NLRC3: variants seen among roughly 807,000 people sequenced by gnomAD.
The protein encoded by NLRC3 is NLR family CARD domain-containing protein 3.
A neutral mutation model predicts 91.6 loss-of-function variants in NLRC3; 87 were observed. The observed-to-expected ratio is 0.95, with a 90% CI of 0.80 to 1.14. The LOEUF is 1.14. Ranked by LOEUF, NLRC3 falls within the 50% of genes most tolerant of loss-of-function variation. NLRC3 has a pLI of 0.00. For missense variants in NLRC3, 1,577 were observed against 1,418.6 expected (o/e 1.11, Z -1.79); for synonymous variants, 694 against 625.3 (o/e 1.11, Z -1.64).
At chr16:3,568,107 G>A (rs1014286830) in intron 1 of NLRC3, among the ~76,000 whole-genome samples, 3 of 152,110 alleles carry the variant, frequency 2.0e-5, no homozygotes, top group Non-Finnish European at 4.4e-5. Context: ...CTTGTGATCT[G>A]CCCACCTCAG....
chr16:3,560,541 G>A (rs1011490569), intron 6 of NLRC3, among the ~76,000 whole-genome samples: 1 of 152,232 alleles, frequency 6.6e-6, no homozygotes, highest in African/African-American at 2.4e-5. Context: ...AACCCCGAGT[G>A]TGTGTAGTTT....
chr16:3,568,363 C>G (rs1189873382), intron 1 of NLRC3, among the ~76,000 whole-genome samples: 1 of 152,186 alleles, frequency 6.6e-6, no homozygotes, highest in Non-Finnish European at 1.5e-5. Context: ...CAAGGCCAGT[C>G]TCCTTATGCT....
intron 8 of NLRC3, among the ~76,000 whole-genome samples, chr16:3,556,456 A>G (rs2039338012): frequency 6.6e-6 from 1 of 151,670 alleles, no homozygotes; most frequent in African/African-American, 2.4e-5. Context: ...CGTAGGGCAT[A>G]AGATCCCCAG....
intron 6 of NLRC3, among the ~76,000 whole-genome samples, chr16:3,560,261 A>G (rs1324881245): frequency 6.6e-6 from 1 of 152,034 alleles, no homozygotes; most frequent in Non-Finnish European, 1.5e-5. Context: ...TGTATCGACT[A>G]AAAATACAAA....
chr16:3,542,541 T>C, intron 18 of NLRC3, 151 bp downstream of exon 18: 1 of 629,280 alleles, frequency 1.6e-6, no homozygotes, highest in African/African-American at 1.8e-5. Flanking sequence ...CAAACCCAGC[T>C]GCAGTGGAAT....
Position 3,557,458 on chromosome 16 carries a change from C to T in NLRC3, c.2099+135G>A. The T allele has an allele frequency of 4.8e-6, 3 of 619,556 alleles. No homozygotes were observed. The South Asian group carries it at 5.8e-5, about 12-fold the overall frequency. 38.4% of individuals were successfully genotyped at this position (619,556 alleles called of 1,614,324 possible). ...ATTATGTCCAGATGCTACCCAGGGG[C>T]TGAATCATGGGAATCAGGGAAGAAC... On this transcript the variant is annotated intron_variant, in intron 7 of 19. Coordinates refer to ENST00000359128, the MANE Select transcript of NLRC3 (RefSeq NM_178844.4).
Position 3,556,904 on chromosome 16 carries a change from C to T in NLRC3, c.2183+7G>A, listed in dbSNP as rs1445999781. On this transcript the variant is annotated splice_region_variant and intron_variant, in intron 8 of 19. Coordinates refer to ENST00000359128, the MANE Select transcript of NLRC3 (RefSeq NM_178844.4). ...GGGTCACAACACAGGGAGCAGGTGA[C>T]ACACACCTCAGGGAGGTCAGGGTGC... is the stretch of plus-strand genomic sequence containing the variant. The T allele has an allele frequency of 6.2e-7, 1 of 1,606,374 alleles. No homozygotes were observed. The highest frequency in any genetic ancestry group is 8.5e-7 in the Non-Finnish European group (1 of 1,173,780).
At chr16:3,543,219 CA>C in intron 17 of NLRC3, 2 of 562,282 alleles carry the variant, frequency 3.6e-6, no homozygotes, top group Non-Finnish European at 6.4e-6. Flanking sequence ...TTCAGCCTGG[CA>C]AGGCCAACCC....
chr16:3,547,636 GTA>G (rs1283398381), intron 15 of NLRC3, among the ~76,000 whole-genome samples: 3 of 151,950 alleles, frequency 2.0e-5, no homozygotes, highest in African/African-American at 7.3e-5. Context: ...ATATGTGTGT[GTA>G]TATGTGTGTG....
intron 1 of NLRC3, among the ~76,000 whole-genome samples, chr16:3,571,680 G>A (rs1248950263): frequency 3.3e-5 from 5 of 151,754 alleles, no homozygotes; most frequent in South Asian, 2.1e-4. Flanking sequence ...GGTGGCTCAC[G>A]CCTGTAATCC....
chr16:3,554,957 C>T (rs2039223456), intron 8 of NLRC3, among the ~76,000 whole-genome samples: 1 of 152,142 alleles, frequency 6.6e-6, no homozygotes, highest in African/African-American at 2.4e-5. Context: ...AGGCTGGGTA[C>T]AGTGGCTCAC....
chr16:3,543,531 A>T, intron 16 of NLRC3, 23 bp from the exon 17 acceptor site: 1 of 1,585,770 alleles, frequency 6.3e-7, no homozygotes, highest in Non-Finnish European at 8.6e-7. Flanking sequence ...GGGTGCCGTC[A>T]GTGTGAGCCG....
Position 3,543,628 on chromosome 16 carries a change from G to A in NLRC3, c.2856-120C>T. The A allele has an allele frequency of 8.5e-6, 6 of 705,140 alleles. No individual in the cohort carries two copies. The South Asian group carries it at 9.4e-5, about 11-fold the overall frequency. 43.7% of individuals were successfully genotyped at this position (705,140 alleles called of 1,614,324 possible). On this transcript the variant is annotated intron_variant, in intron 16 of 19. Coordinates refer to ENST00000359128, the MANE Select transcript of NLRC3 (RefSeq NM_178844.4). ...AAGTGGAGAAACAGCACTGAGAATG[G>A]TTGGCCAGCGCTGTGTCTAGGCACT...
chr16:3,570,626 T>A (rs2151106863), intron 1 of NLRC3, among the ~76,000 whole-genome samples: 1 of 152,140 alleles, frequency 6.6e-6, no homozygotes, highest in Admixed American at 6.5e-5. Flanking sequence ...AAGGCTGCTG[T>A]GAGAGGCCTC....
At chr16:3,543,185 C>A (rs995551435) in intron 17 of NLRC3, 5 of 522,092 alleles carry the variant, frequency 9.6e-6, no homozygotes, top group Non-Finnish European at 6.9e-6. Flanking sequence ...CCCCTGGGAC[C>A]CATAAACCAG....
intron 1 of NLRC3, among the ~76,000 whole-genome samples, chr16:3,569,574 T>A (rs989092175): frequency 3.3e-5 from 5 of 151,094 alleles, no homozygotes; most frequent in Non-Finnish European, 7.4e-5. Context: ...AATTTTTGTA[T>A]TTTAGTAGAG....
chr16:3,558,774 CTCT>C (rs977650214), intron 6 of NLRC3, among the ~76,000 whole-genome samples: 1 of 152,012 alleles, frequency 6.6e-6, no homozygotes, highest in African/African-American at 2.4e-5. Context: ...CAGGCTGGTG[CTCT>C]TCTTTTTCTT....
At position 3,564,742 on chromosome 16, in the gene NLRC3, C is replaced by A; in HGVS notation, c.195G>T (p.Arg65Ser). 1 of 1,583,252 alleles carries A rather than the reference C, an allele frequency of 6.3e-7. No homozygotes were observed. The highest frequency in any genetic ancestry group is 8.5e-7 in the Non-Finnish European group (1 of 1,170,326). Residue 65 changes from arginine (R) to serine (S), a missense_variant, in exon 5 of 20, where the codon AGG (arginine) becomes AGT (serine). By Grantham distance (110) the Arg-to-Ser change is moderately radical. Coordinates refer to ENST00000359128, the MANE Select transcript of NLRC3 (RefSeq NM_178844.4). The surrounding 1 kb of genome is among the most constrained non-coding windows in gnomAD (Gnocchi z 5.9). ...GPCSNDSRIQ[R>S]HRKALLSKVG... is the part of the protein sequence containing the mutation. Reference sequence around the variant, plus strand: ...CCTTGCTCAGCAGGGCCTTGCGGTGCCTCTGTATCCTTGAGTCTGCGGGAC... The same window carrying A: ...CCTTGCTCAGCAGGGCCTTGCGGTGACTCTGTATCCTTGAGTCTGCGGGAC...
At chr16:3,548,243 C>T in intron 14 of NLRC3, 25 bp from the exon 15 acceptor site, 2 of 1,488,360 alleles carry the variant, frequency 1.3e-6, no homozygotes, top group Non-Finnish European at 1.8e-6. Context: ...ACACATGTGA[C>T]TATGTGACTA....
Sources: allele counts gnomAD v4.1 joint callset (sites outside exome capture counted in the v4.1 genomes callset), GRCh38; gene constraint gnomAD v4.1.1; non-coding constraint Gnocchi (gnomAD v3.1); transcripts MANE v1.5; gene names NCBI Gene and HGNC (gene_info 2026-07-23, HGNC 2026-07-21).